The following TMEM163 variants were observed in gnomAD, a reference collection of about 807,000 sequenced individuals.
TMEM163 encodes transmembrane protein 163.
Under a neutral mutation model 29.3 loss-of-function variants are expected in TMEM163, and 17 were observed. The ratio of observed to expected loss-of-function variants is 0.58; its 90% CI spans 0.40 to 0.87. TMEM163 has a LOEUF of 0.87. Among genes scored for constraint, TMEM163 ranks in the 40% least tolerant of loss-of-function variants. The pLI is 0.00. For missense variants in TMEM163, 303 were observed against 381.5 expected (o/e 0.79, Z 1.71); for synonymous variants, 157 against 160.6 (o/e 0.98, Z 0.17).
At chr2:134,466,321 C>A in intron 5 of TMEM163, 96 bp from the exon 6 acceptor site, 1 of 1,008,970 alleles carries the variant, frequency 9.9e-7, no homozygotes, top group South Asian at 1.5e-5. Context: ...GTTCCAAGTA[C>A]AAATAGTCAG....
chr2:134,555,720 G>T (rs1681035097), intron 2 of TMEM163, among the ~76,000 whole-genome samples: 1 of 152,130 alleles, frequency 6.6e-6, no homozygotes, highest in Non-Finnish European at 1.5e-5. Flanking sequence ...CTCTTTCTCT[G>T]CTGGCTTTTA....
intron 4 of TMEM163, among the ~76,000 whole-genome samples, chr2:134,546,032 G>A (rs1476849736): frequency 6.6e-6 from 1 of 151,970 alleles, no homozygotes; most frequent in Non-Finnish European, 1.5e-5. Flanking sequence ...AAACCTGATG[G>A]TCCACCTTCT....
At chr2:134,711,244 T>C (rs545517921) in intron 2 of TMEM163, among the ~76,000 whole-genome samples, 4 of 152,278 alleles carry the variant, frequency 2.6e-5, no homozygotes, top group South Asian at 4.1e-4. Flanking sequence ...GGAAACTAAA[T>C]AGTAAAATCA....
intron 2 of TMEM163, among the ~76,000 whole-genome samples, chr2:134,609,556 C>T (rs111545968): frequency 9.5e-5 from 8 of 84,646 alleles, no homozygotes; most frequent in African/African-American, 2.5e-4. Context: ...GGAAGACAGA[C>T]CCCGAGAACT....
chr2:134,652,028 G>T (rs911449482), intron 2 of TMEM163, among the ~76,000 whole-genome samples: 2 of 137,536 alleles, frequency 1.5e-5, no homozygotes, highest in African/African-American at 3.1e-5. Context: ...GGTGATGCGG[G>T]CTCTTTTTTG....
chr2:134,557,092 C>T (rs1263998805), intron 2 of TMEM163, among the ~76,000 whole-genome samples: 2 of 152,124 alleles, frequency 1.3e-5, no homozygotes, highest in Admixed American at 6.5e-5. Flanking sequence ...AAGGACCTTC[C>T]AGAGAAGAAG....
intron 2 of TMEM163, among the ~76,000 whole-genome samples, chr2:134,656,752 T>A (rs964640524): frequency 6.6e-6 from 1 of 152,202 alleles, no homozygotes. Flanking sequence ...GCTCTTATTA[T>A]TTTGAGATAT....
At chr2:134,520,381 C>A (rs905924401) in intron 4 of TMEM163, among the ~76,000 whole-genome samples, 6 of 152,210 alleles carry the variant, frequency 3.9e-5, no homozygotes, top group African/African-American at 1.4e-4. Context: ...GAGTACTCCA[C>A]AAAGCACAGT....
At chr2:134,534,202 G>T (rs1449523582) in intron 4 of TMEM163, among the ~76,000 whole-genome samples, 1 of 152,112 alleles carries the variant, frequency 6.6e-6, no homozygotes, top group African/African-American at 2.4e-5. Context: ...AAATGCAGCT[G>T]ATAGGACTCT....
chr2:134,464,289 AGGG>A (rs1471364019), intron 6 of TMEM163, among the ~76,000 whole-genome samples: 2 of 152,066 alleles, frequency 1.3e-5, no homozygotes, highest in Non-Finnish European at 2.9e-5. Flanking sequence ...GGGCAGGCAC[AGGG>A]GCAGCACCAA....
intron 2 of TMEM163, among the ~76,000 whole-genome samples, chr2:134,564,544 A>G (rs910670038): frequency 6.6e-6 from 1 of 152,252 alleles, no homozygotes; most frequent in Non-Finnish European, 1.5e-5. Context: ...ACTACATTAA[A>G]GACCTCCTTC....
At chr2:134,471,112 C>CT (rs1424167538) in intron 5 of TMEM163, among the ~76,000 whole-genome samples, 1 of 152,120 alleles carries the variant, frequency 6.6e-6, no homozygotes, top group Non-Finnish European at 1.5e-5. Context: ...GTTGAGACTG[C>CT]AGTGAGCTAT....
intron 2 of TMEM163, among the ~76,000 whole-genome samples, chr2:134,557,443 G>A (rs571851168): frequency 2.0e-5 from 3 of 152,264 alleles, no homozygotes; most frequent in East Asian, 1.9e-4. Flanking sequence ...GGTCCTGACC[G>A]CATGTGCCCA....
chr2:134,498,511 T>C (rs1470314724), intron 5 of TMEM163, among the ~76,000 whole-genome samples: 2 of 152,146 alleles, frequency 1.3e-5, no homozygotes, highest in Non-Finnish European at 2.9e-5. Flanking sequence ...TTTGTATTTT[T>C]AGTAGAGACG....
intron 1 of TMEM163, among the ~76,000 whole-genome samples, chr2:134,717,787 G>C (rs562836772): frequency 2.0e-5 from 3 of 152,334 alleles, no homozygotes; most frequent in African/African-American, 7.2e-5. Context: ...GATTCAGCAA[G>C]AAGTAGAAAA....
intron 3 of TMEM163, among the ~76,000 whole-genome samples, chr2:134,550,963 T>C (rs1680907091): frequency 6.6e-6 from 1 of 152,118 alleles, no homozygotes; most frequent in African/African-American, 2.4e-5. Flanking sequence ...GGTTTCCCCA[T>C]GATAGTCAAG....
chr2:134,531,800 C>T (rs973496120), intron 4 of TMEM163, among the ~76,000 whole-genome samples: 2 of 152,142 alleles, frequency 1.3e-5, no homozygotes, highest in African/African-American at 4.8e-5. Flanking sequence ...TTTGTGTAGG[C>T]ATAATTGATT....
At chr2:134,478,884 A>G (rs1263961709) in intron 5 of TMEM163, among the ~76,000 whole-genome samples, 1 of 152,130 alleles carries the variant, frequency 6.6e-6, no homozygotes, top group Non-Finnish European at 1.5e-5. Flanking sequence ...GGAAAGAATC[A>G]TTTTGGGATC....
chr2:134,718,571 G>C (rs1474290861), intron 1 of TMEM163, among the ~76,000 whole-genome samples, 163 bp downstream of exon 1: 1 of 152,150 alleles, frequency 6.6e-6, no homozygotes, highest in Non-Finnish European at 1.5e-5. Context: ...GCAGAAGGTG[G>C]GGCTGCCGCT....
Sources: gnomAD v4.1 joint callset for allele counts (sites outside exome capture counted in the v4.1 genomes callset) on GRCh38, gnomAD v4.1.1 for gene constraint, MANE v1.5 for transcripts, NCBI Gene and HGNC (gene_info 2026-07-23, HGNC 2026-07-21) for gene names.